LTBP1: variants seen among roughly 807,000 people sequenced by gnomAD.
The protein encoded by LTBP1 is latent transforming growth factor beta binding protein 1, also known as latent-transforming growth factor beta-binding protein 1.
Under a neutral mutation model 207.6 loss-of-function variants are expected in LTBP1, and 129 were observed. That is an observed-to-expected ratio of 0.62 (90% CI 0.54 to 0.72). The LOEUF is 0.72. LTBP1 is among the 30% of genes least tolerant of loss of function. The pLI is 0.00. For synonymous variants in LTBP1, 963 were observed against 833.7 expected (o/e 1.16, Z -2.67); for missense variants, 2,281 against 2,217.2 (o/e 1.03, Z -0.58).
At chr2:33,310,030 C>T (rs887208541) in intron 23 of LTBP1, among the ~76,000 whole-genome samples, 2 of 151,060 alleles carry the variant, frequency 1.3e-5, no homozygotes, top group African/African-American at 2.4e-5. Context: ...TCACTGCAAC[C>T]TCCACCTCCC....
intron 7 of LTBP1, among the ~76,000 whole-genome samples, chr2:33,192,903 C>G (rs541523041): frequency 6.6e-6 from 1 of 152,276 alleles, no homozygotes; most frequent in African/African-American, 2.4e-5. Context: ...AACAAGTCCA[C>G]TCTGGTGATA....
At position 33,309,494 on chromosome 2, in the gene LTBP1, C is replaced by A; in HGVS notation, c.3542C>A (p.Ala1181Glu). Reference sequence around the variant, plus strand: ...CAGAGAGGAGACTGCATTAATACTGCAGGGTCCTATGATTGTACTTGTCCG... The same window carrying A: ...CAGAGAGGAGACTGCATTAATACTGAAGGGTCCTATGATTGTACTTGTCCG... Reference protein sequence around the residue: ...VCQRGDCINTAGSYDCTCPDG... With the variant: ...VCQRGDCINTEGSYDCTCPDG... Residue 1181 changes from alanine to glutamate, a missense_variant, in exon 23 of 34, where the codon GCA becomes GAA. By Grantham distance (107) the Ala-to-Glu change is moderately radical. Coordinates refer to ENST00000404816, the MANE Select transcript of LTBP1 (RefSeq NM_206943.4). The A allele has an allele frequency of 6.2e-7, 1 of 1,610,108 alleles. No homozygotes were observed. The highest frequency in any genetic ancestry group is 1.7e-4 in the Middle Eastern group (1 of 6,052).
At chr2:33,082,892 G>A (rs2078528506) in intron 3 of LTBP1, among the ~76,000 whole-genome samples, 1 of 152,132 alleles carries the variant, frequency 6.6e-6, no homozygotes, top group Admixed American at 6.6e-5. Context: ...TCCTCACTGG[G>A]TGGGCATCTG....
At chr2:32,961,262 G>C (rs1167766090) in intron 2 of LTBP1, among the ~76,000 whole-genome samples, 1 of 150,910 alleles carries the variant, frequency 6.6e-6, no homozygotes, top group South Asian at 2.1e-4. Context: ...CCGGGTCTCT[G>C]CCGAGCTCTC....
At chr2:33,025,018 A>G (rs1039174140) in intron 3 of LTBP1, among the ~76,000 whole-genome samples, 10 of 152,120 alleles carry the variant, frequency 6.6e-5, no homozygotes, top group African/African-American at 2.2e-4. Context: ...AGAAAGCTTC[A>G]CTTCCTCTCT....
intron 22 of LTBP1, among the ~76,000 whole-genome samples, chr2:33,304,478 T>G (rs1456996507): frequency 6.6e-6 from 1 of 152,066 alleles, no homozygotes; most frequent in Non-Finnish European, 1.5e-5. Flanking sequence ...CTTATTGTCC[T>G]GTCATCCTGC....
intron 2 of LTBP1, among the ~76,000 whole-genome samples, chr2:32,960,845 T>G (rs1007676449): frequency 1.3e-5 from 2 of 152,088 alleles, no homozygotes; most frequent in Non-Finnish European, 2.9e-5. Context: ...TGTGGGAACA[T>G]AGGTCATTAT....
intron 5 of LTBP1, among the ~76,000 whole-genome samples, chr2:33,153,696 C>G (rs971622801): frequency 3.9e-5 from 6 of 152,220 alleles, no homozygotes; most frequent in Non-Finnish European, 8.8e-5. Context: ...TCATTTATCT[C>G]TTGCCAATTC....
At chr2:33,292,391 C>A (rs2123770) in intron 19 of LTBP1, among the ~76,000 whole-genome samples, 109,322 of 152,092 alleles carry the variant, frequency 0.72, 40,125 homozygotes, top group African/African-American at 0.87. Context: ...CTTGGGTTCA[C>A]ATCTCAGAAC....
intron 2 of LTBP1, among the ~76,000 whole-genome samples, chr2:32,995,789 A>AAAAC (rs1009263671): frequency 6.6e-6 from 1 of 152,180 alleles, no homozygotes; most frequent in Non-Finnish European, 1.5e-5. Context: ...ACTCTGTCTC[A>AAAAC]AAACAAACAA....
chr2:33,297,334 C>A (rs1558967234), intron 20 of LTBP1, among the ~76,000 whole-genome samples: 1 of 151,748 alleles, frequency 6.6e-6, no homozygotes, highest in African/African-American at 2.4e-5. Flanking sequence ...TTATTGTTCC[C>A]TTTTTTTTGC....
At chr2:33,081,916 T>C (rs1239582731) in intron 3 of LTBP1, among the ~76,000 whole-genome samples, 1 of 152,216 alleles carries the variant, frequency 6.6e-6, no homozygotes, top group Non-Finnish European at 1.5e-5. Context: ...TTGCTTCCCC[T>C]TCCGCCACCA....
At chr2:33,208,511 A>G (rs997206826) in intron 7 of LTBP1, among the ~76,000 whole-genome samples, 7 of 152,148 alleles carry the variant, frequency 4.6e-5, no homozygotes, top group South Asian at 2.1e-4. Context: ...GCCCATTATT[A>G]TGGTTATCCT....
chr2:33,305,814 C>G (rs1470454761), intron 22 of LTBP1, among the ~76,000 whole-genome samples: 1 of 152,058 alleles, frequency 6.6e-6, no homozygotes, highest in African/African-American at 2.4e-5. Context: ...ACCCAGAATC[C>G]AAGAGAAGAA....
intron 24 of LTBP1, among the ~76,000 whole-genome samples, chr2:33,342,148 G>T (rs1049075864): frequency 6.6e-6 from 1 of 152,140 alleles, no homozygotes; most frequent in Non-Finnish European, 1.5e-5. Flanking sequence ...ACTTTTATAA[G>T]AACATTTTTA....
intron 15 of LTBP1, among the ~76,000 whole-genome samples, chr2:33,265,129 T>G (rs1173723342): frequency 6.6e-6 from 1 of 152,204 alleles, no homozygotes; most frequent in Non-Finnish European, 1.5e-5. Context: ...GAGGGTGATC[T>G]TCTTTACACA....
At chr2:33,268,993 T>C (rs1167240056) in intron 15 of LTBP1, among the ~76,000 whole-genome samples, 1 of 152,180 alleles carries the variant, frequency 6.6e-6, no homozygotes, top group Non-Finnish European at 1.5e-5. Context: ...TGTTTGTCCC[T>C]CAAGCATATT....
intron 2 of LTBP1, among the ~76,000 whole-genome samples, chr2:33,006,367 A>G (rs1168662069): frequency 6.7e-6 from 1 of 148,466 alleles, no homozygotes; most frequent in Non-Finnish European, 1.5e-5. Flanking sequence ...TCAGAATGTC[A>G]GAAATAAGAA....
intron 5 of LTBP1, among the ~76,000 whole-genome samples, chr2:33,175,374 A>G (rs1020432640): frequency 6.6e-6 from 1 of 152,050 alleles, no homozygotes; most frequent in Non-Finnish European, 1.5e-5. Context: ...AAAAGAAGCC[A>G]TTTATGCAGC....
Sources: gnomAD v4.1 joint callset for allele counts (sites outside exome capture counted in the v4.1 genomes callset) on GRCh38, gnomAD v4.1.1 for gene constraint, MANE v1.5 for transcripts, NCBI Gene and HGNC (gene_info 2026-07-23, HGNC 2026-07-21) for gene names.